The following C1QTNF3 variants were observed in gnomAD, a reference collection of about 807,000 sequenced individuals.
The protein encoded by C1QTNF3 is C1q and TNF related 3.
C1QTNF3 carries 26 observed loss-of-function variants against 32.6 expected under a neutral mutation model. The ratio of observed to expected loss-of-function variants is 0.80; its 90% CI spans 0.58 to 1.11. The LOEUF (loss-of-function observed/expected upper bound fraction) is 1.11, where lower values mean the gene tolerates loss of function less well. Among genes scored for constraint, C1QTNF3 ranks in the 50% least tolerant of loss-of-function variants. C1QTNF3 has a pLI of 0.00. For missense variants in C1QTNF3, 362 were observed against 398.2 expected (o/e 0.91, Z 0.77); for synonymous variants, 155 against 146.0 (o/e 1.06, Z -0.44).
Position 34,019,220 on chromosome 5 carries a change from TCA to T in C1QTNF3, c.*1361_*1362del, listed in dbSNP as rs1356668203. ...TACCTACTGTTTCCTTTTTAGCATCTCAGTTTTGGGACACTTGTGAAATCAGT... is the reference window on the plus strand; with the variant it reads ...TACCTACTGTTTCCTTTTTAGCATCTGTTTTGGGACACTTGTGAAATCAGT... On this transcript the variant is annotated 3_prime_UTR_variant, in exon 6 of 6. Transcript: ENST00000382065. 6.6e-6 allele frequency among the ~76,000 whole-genome samples: 1 copy of T among 152,222 alleles called. No individual in the cohort carries two copies. The highest frequency in any genetic ancestry group is 1.5e-5 in the Non-Finnish European group (1 of 68,046).
the C1QTNF3 span, among the ~76,000 whole-genome samples, chr5:34,227,302 A>G: frequency 0.28 from 42,956 of 150,748 alleles, 6,553 homozygotes; most frequent in East Asian, 0.49. Flanking sequence ...AATTTTGTGC[A>G]GTTATGATTT....
chr5:34,080,581 T>A, the C1QTNF3 span, among the ~76,000 whole-genome samples: 1 of 151,784 alleles, frequency 6.6e-6, no homozygotes, highest in Non-Finnish European at 1.5e-5. Context: ...AGAGTAGTGA[T>A]GAGACATAAA....
At chr5:34,107,392 T>TCA in the C1QTNF3 span, among the ~76,000 whole-genome samples, 1 of 151,090 alleles carries the variant, frequency 6.6e-6, no homozygotes, top group African/African-American at 2.4e-5. Flanking sequence ...GACACATGAC[T>TCA]CATTGTCTCA....
At chr5:34,023,106 C>T (rs1040859807) in intron 5 of C1QTNF3, among the ~76,000 whole-genome samples, 2 of 152,160 alleles carry the variant, frequency 1.3e-5, no homozygotes, top group African/African-American at 4.8e-5. Flanking sequence ...CTGTCCACCT[C>T]GGCCTCCCAA....
chr5:34,064,565 G>A, the C1QTNF3 span, among the ~76,000 whole-genome samples: 1 of 152,192 alleles, frequency 6.6e-6, no homozygotes, highest in Non-Finnish European at 1.5e-5. Context: ...ACAATGACGA[G>A]CCTTTAGCCT....
the C1QTNF3 span, among the ~76,000 whole-genome samples, chr5:34,076,196 C>T: frequency 1.3e-5 from 2 of 151,490 alleles, no homozygotes; most frequent in Admixed American, 6.6e-5. Context: ...AGATTAATGA[C>T]GGTGATGCTC....
chr5:34,228,103 A>G, the C1QTNF3 span, among the ~76,000 whole-genome samples: 1 of 151,872 alleles, frequency 6.6e-6, no homozygotes, highest in Non-Finnish European at 1.5e-5. Context: ...TTCACTGTCC[A>G]TATCACTTTC....
At chr5:34,025,224 A>G (rs750024795) in intron 4 of C1QTNF3, among the ~76,000 whole-genome samples, 3 of 152,256 alleles carry the variant, frequency 2.0e-5, no homozygotes, top group Non-Finnish European at 4.4e-5. Context: ...AAAATAGTTT[A>G]TATGTGTTTA....
chr5:34,044,686 C>T (rs1283947070), upstream of C1QTNF3, among the ~76,000 whole-genome samples: 1 of 152,158 alleles, frequency 6.6e-6, no homozygotes, highest in Non-Finnish European at 1.5e-5. Flanking sequence ...GAGAGAGTTA[C>T]TCTGTGAACT....
At chr5:34,020,834 A>G (rs1754311186) in intron 5 of C1QTNF3, 92 bp from the exon 6 acceptor site, 1 of 1,339,954 alleles carries the variant, frequency 7.5e-7, no homozygotes, top group East Asian at 2.3e-5. Flanking sequence ...TCCTTCCCAC[A>G]GGTATAATCC....
At chr5:34,144,930 C>A in the C1QTNF3 span, among the ~76,000 whole-genome samples, 3 of 152,106 alleles carry the variant, frequency 2.0e-5, no homozygotes, top group South Asian at 6.2e-4. Context: ...GAGTTTGATA[C>A]CAGCCTGGCC....
At chr5:34,172,116 T>A in the C1QTNF3 span, among the ~76,000 whole-genome samples, 6 of 152,162 alleles carry the variant, frequency 3.9e-5, no homozygotes, top group African/African-American at 1.4e-4. Flanking sequence ...ATCCCTCTTA[T>A]CCATAGAGGA....
chr5:34,098,488 TTA>T, the C1QTNF3 span, among the ~76,000 whole-genome samples: 8 of 152,154 alleles, frequency 5.3e-5, no homozygotes, highest in Non-Finnish European at 1.0e-4. Context: ...AAACAGGCTT[TTA>T]TGTCACCAGG....
chr5:34,072,430 T>G, the C1QTNF3 span, among the ~76,000 whole-genome samples: 1 of 141,114 alleles, frequency 7.1e-6, no homozygotes. Flanking sequence ...AGAACAGAAA[T>G]GTACTCAGCA....
the C1QTNF3 span, among the ~76,000 whole-genome samples, chr5:34,197,336 G>T: frequency 6.6e-6 from 1 of 152,272 alleles, no homozygotes; most frequent in Non-Finnish European, 1.5e-5. Context: ...CTTCAGAGAT[G>T]GCATGGTAAA....
intron 2 of C1QTNF3, among the ~76,000 whole-genome samples, chr5:34,034,562 G>A (rs1754692083): frequency 6.6e-6 from 1 of 152,136 alleles, no homozygotes; most frequent in African/African-American, 2.4e-5. Context: ...CATTTTGCAT[G>A]CTACCCTTGG....
the C1QTNF3 span, among the ~76,000 whole-genome samples, chr5:34,056,985 A>C: frequency 6.6e-6 from 1 of 152,226 alleles, no homozygotes; most frequent in Non-Finnish European, 1.5e-5. Flanking sequence ...AGCAGAGGTC[A>C]CCTGACCAAT....
At chr5:34,080,775 G>A in the C1QTNF3 span, among the ~76,000 whole-genome samples, 2 of 151,724 alleles carry the variant, frequency 1.3e-5, no homozygotes, top group Non-Finnish European at 2.9e-5. Context: ...CAGAGGAAGA[G>A]ACAGAATGTG....
At chr5:34,106,377 T>C in the C1QTNF3 span, 1 of 151,848 alleles carries the variant, frequency 6.6e-6, no homozygotes, top group South Asian at 2.1e-4. Context: ...CAGAGGCAAC[T>C]GGCTATTAAA....
Sources: allele counts gnomAD v4.1 joint callset (sites outside exome capture counted in the v4.1 genomes callset), GRCh38; gene constraint gnomAD v4.1.1; transcripts MANE v1.5; gene names NCBI Gene and HGNC (gene_info 2026-07-23, HGNC 2026-07-21).